SMIM19: variants seen among roughly 807,000 people sequenced by gnomAD.
SMIM19 encodes small integral membrane protein 19.
Under a neutral mutation model 13.2 loss-of-function variants are expected in SMIM19, and 6 were observed. The ratio of observed to expected loss-of-function variants is 0.45; its 90% CI spans 0.25 to 0.90. SMIM19 has a LOEUF of 0.90. SMIM19 is among the 40% of genes least tolerant of loss of function. The pLI is 0.19. For missense variants in SMIM19, 138 were observed against 131.0 expected, an observed-to-expected ratio of 1.05 and a Z score of -0.26; for synonymous variants, 46 against 43.1, an observed-to-expected ratio of 1.07 and a Z score of -0.27.
chr8:42,551,441 T>C (rs1813674451), intron 3 of SMIM19, among the ~76,000 whole-genome samples: 1 of 152,212 alleles, frequency 6.6e-6, no homozygotes, highest in Non-Finnish European at 1.5e-5. Flanking sequence ...TAACGTTTCT[T>C]AGAAGTACAA....
rs1165845099 is a variant in SMIM19, at chr8:42,545,155, CTTACCTTTT to C, written c.-4-1313_-4-1305del. ...TACATATTAGGTCATTTTACTTAGA[CTTACCTTTT>C]ATGTCCCAACACAAGGGAGGAACTC... is the stretch of plus-strand genomic sequence containing the variant. On this transcript the variant is annotated intron_variant, in intron 1 of 3. Transcript: ENST00000417410. Among the ~76,000 whole-genome samples the C allele has an allele frequency of 1.4e-4, 21 of 152,312 alleles. No individual in the cohort carries two copies. In the East Asian group the frequency reaches 4.0e-3, roughly 29 times the overall value.
chr8:42,544,837 G>C (rs1813423148), intron 1 of SMIM19, among the ~76,000 whole-genome samples: 1 of 152,172 alleles, frequency 6.6e-6, no homozygotes, highest in African/African-American at 2.4e-5. Context: ...CAAGCTAAAA[G>C]AAAGAACTCT....
At chr8:42,547,997 C>T (rs1813545034) in intron 2 of SMIM19, among the ~76,000 whole-genome samples, 1 of 152,178 alleles carries the variant, frequency 6.6e-6, no homozygotes, top group African/African-American at 2.4e-5. Flanking sequence ...AGGAATCATT[C>T]AGAGCCCGCA....
rs912668970 is a variant in SMIM19, at chr8:42,550,517, T to C, written c.259+1737T>C. On this transcript the variant is annotated intron_variant, in intron 3 of 3. Coordinates refer to ENST00000417410, the MANE Select transcript of SMIM19 (RefSeq NM_001135674.2). ...AGCTTCTCAGGGCCATCCACACTCC[T>C]TGGGTCACAGTCCCTTCCTCCATCT... 3.3e-5 allele frequency among the ~76,000 whole-genome samples: 5 copies of C among 152,292 alleles called. No homozygotes were observed. In the South Asian group the frequency reaches 1.0e-3, roughly 32 times the overall value.
At chr8:42,546,945 G>T (rs956251132) in intron 2 of SMIM19, among the ~76,000 whole-genome samples, 1 of 94,000 alleles carries the variant, frequency 1.1e-5, no homozygotes, top group Non-Finnish European at 2.2e-5. Flanking sequence ...CCAGCCTGGC[G>T]ACAGAGCAAG....
rs1244109496 is a variant in SMIM19, at chr8:42,552,580, C to CT, written c.297dup (p.Asp100Ter). ...GACTATCAGCAGCCACAAAACCAAG[C>CT]TGACAGTGTGCAACTCTCATTGGAA... On this transcript the variant is annotated frameshift_variant, in exon 4 of 4. Coordinates refer to ENST00000417410, the MANE Select transcript of SMIM19 (RefSeq NM_001135674.2). LOFTEE classifies it high-confidence loss of function. 6.2e-7 allele frequency: 1 copy of CT among 1,614,072 alleles called. No homozygotes were observed. The highest frequency in any genetic ancestry group is 1.7e-5 in the Admixed American group (1 of 60,016).
intron 2 of SMIM19, 118 bp downstream of exon 2, chr8:42,546,724 C>T: frequency 8.0e-7 from 1 of 1,246,462 alleles, no homozygotes; most frequent in Non-Finnish European, 1.1e-6. Context: ...GTGGCTCACA[C>T]CTGTAATCCC....
chr8:42,544,821 T>C (rs1781595764), intron 1 of SMIM19, among the ~76,000 whole-genome samples: 1 of 152,220 alleles, frequency 6.6e-6, no homozygotes, highest in South Asian at 2.1e-4. Context: ...TTTTCTCATA[T>C]AGAGGCAAGC....
rs375297852 is a variant in SMIM19, at chr8:42,551,162, T to C, written c.260-1382T>C. On this transcript the variant is annotated intron_variant, in intron 3 of 3. Transcript: ENST00000417410. ...TGAAAACCTGTCTCTACTAAAAATA[T>C]AAAAAATTAGCAGGGCATGATGGCG... Among the ~76,000 whole-genome samples the C allele has an allele frequency of 5.3e-5, 8 of 151,530 alleles. No individual in the cohort carries two copies. The East Asian group carries it at 7.8e-4, about 15-fold the overall frequency.
chr8:42,548,672 A>T lies in SMIM19; in HGVS notation c.151A>T (p.Met51Leu). The T allele has an allele frequency of 1.9e-6, 3 of 1,613,844 alleles. No homozygotes were observed. Among genetic ancestry groups the T allele is most frequent in the African/African-American group, 2.7e-5 (2 of 75,046 alleles). ...TGTGTTTAGGAACAAAAGGAGAATTATGAGGATATTCAGTGTGCCACCTAC... is the reference window on the plus strand; with the variant it reads ...TGTGTTTAGGAACAAAAGGAGAATTTTGAGGATATTCAGTGTGCCACCTAC... The part of the protein sequence containing the change: ...MYAKRNKRRI[M>L]RIFSVPPTEE... Residue 51 changes from methionine to leucine, a missense_variant, in exon 3 of 4, where the codon ATG becomes TTG. Transcript: ENST00000417410.
chr8:42,546,082 G>A (rs28377060), intron 1 of SMIM19, among the ~76,000 whole-genome samples: 6,882 of 152,144 alleles, frequency 0.045, 523 homozygotes, highest in African/African-American at 0.15. Context: ...CCCAAGTCCC[G>A]ATATAAAATG....
In SMIM19 at chr8:42,543,122, A is replaced by G. The variant is rs571724262; in HGVS notation, c.-5+749A>G. On this transcript the variant is annotated intron_variant, in intron 1 of 3. Transcript: ENST00000417410. ...CCCATCCTAGCCTCTCCTTACTGAA[A>G]TAGTTCAAGCATTACATTACAGGAA... Among the ~76,000 whole-genome samples the G allele has an allele frequency of 3.9e-5, 6 of 152,326 alleles. No homozygotes were observed. The South Asian group carries it at 1.2e-3, about 32-fold the overall frequency.
Position 42,541,611 on chromosome 8 carries a change from C to T in SMIM19, c.-767C>T. 1 of 149,754 alleles carries T rather than the reference C, an allele frequency of 6.7e-6. No individual in the cohort carries two copies. 9.3% of individuals were successfully genotyped at this position (149,754 alleles called of 1,614,324 possible). The stretch of plus-strand genomic sequence containing the variant: ...AAGGCAGAGGGCGTCCAGGTCCGCT[C>T]GGTAACCGTTTCCCGCGCGCCCGGC... On this transcript the variant is annotated 5_prime_UTR_variant, in exon 1 of 4. Transcript: ENST00000417410.
At chr8:42,549,933 T>C (rs1813613421) in intron 3 of SMIM19, among the ~76,000 whole-genome samples, 1 of 151,718 alleles carries the variant, frequency 6.6e-6, no homozygotes, top group African/African-American at 2.4e-5. Context: ...CCATCTTTAC[T>C]AAAAGTACAA....
rs747643780 is a variant in SMIM19, at chr8:42,548,721, A to G, written c.200A>G (p.Asn67Ser). Reference protein sequence around the residue: ...PPTEETLSEPNFYDTISKIRL... With the variant: ...PPTEETLSEPSFYDTISKIRL... The stretch of plus-strand genomic sequence containing the variant: ...ACAGAGGAAACTTTGTCAGAGCCCA[A>G]CTTTTATGACACGATAAGCAAGATT... Residue 67 changes from asparagine (N) to serine (S), a missense_variant, in exon 3 of 4, where the codon AAC (asparagine) becomes AGC (serine). Coordinates refer to ENST00000417410, the MANE Select transcript of SMIM19 (RefSeq NM_001135674.2). The G allele has an allele frequency of 8.1e-6, 13 of 1,613,882 alleles. No individual in the cohort carries two copies. The Admixed American group carries it at 1.8e-4, about 23-fold the overall frequency.
chr8:42,552,404 G>A (rs1813702457), intron 3 of SMIM19, 140 bp from the exon 4 acceptor site: 1 of 886,728 alleles, frequency 1.1e-6, no homozygotes, highest in Non-Finnish European at 1.7e-6. Context: ...GGTATCAGAG[G>A]GAGACTCTAT....
At chr8:42,541,195 C>T (rs982056345), upstream of SMIM19, 1 of 152,108 alleles carries the variant, frequency 6.6e-6, no homozygotes, top group African/African-American at 2.4e-5. Context: ...GCCCGGCACT[C>T]GCAGGTAATG....
chr8:42,546,727 G>A, intron 2 of SMIM19, 121 bp downstream of exon 2: 1 of 1,222,786 alleles, frequency 8.2e-7, no homozygotes, highest in Non-Finnish European at 1.1e-6. Context: ...GCTCACACCT[G>A]TAATCCCAGC....
intron 1 of SMIM19, among the ~76,000 whole-genome samples, chr8:42,543,770 C>G (rs897260115): frequency 2.3e-4 from 35 of 152,158 alleles, no homozygotes; most frequent in African/African-American, 8.4e-4. Flanking sequence ...GTGAAATGTT[C>G]TAGTGGCCAG....
Sources: allele counts gnomAD v4.1 joint callset (sites outside exome capture counted in the v4.1 genomes callset), GRCh38; gene constraint gnomAD v4.1.1; transcripts MANE v1.5; gene names NCBI Gene and HGNC (gene_info 2026-07-23, HGNC 2026-07-21).